SLC25A35: variants seen among roughly 807,000 people sequenced by gnomAD.
SLC25A35 encodes the protein solute carrier family 25 member 35.
Under a neutral mutation model 30.5 loss-of-function variants are expected in SLC25A35, and 32 were observed. The observed-to-expected ratio is 1.05, with a 90% CI of 0.79 to 1.41. SLC25A35 has a LOEUF of 1.41. Ranked by LOEUF, SLC25A35 falls within the 40% of genes most tolerant of loss-of-function variation. The pLI, the probability that SLC25A35 is intolerant of heterozygous loss-of-function variation, is 0.00. For missense variants in SLC25A35, 369 were observed against 388.0 expected (o/e 0.95, Z 0.41); for synonymous variants, 142 against 158.1 (o/e 0.90, Z 0.77).
chr17:8,292,518 C>T lies in SLC25A35; in HGVS notation c.441+5G>A. ...AGGGACTTTGGCAGACTTGGGAACC[C>T]TCACCTGATGCTTATACTGGTGCCC... On this transcript the variant is annotated splice_donor_5th_base_variant and intron_variant, in intron 2 of 4. Coordinates refer to ENST00000577745, the MANE Select transcript of SLC25A35 (RefSeq NM_001320870.2). 6.2e-7 allele frequency: 1 copy of T among 1,613,930 alleles called. No individual in the cohort carries two copies. The highest frequency in any genetic ancestry group is 1.3e-5 in the African/African-American group (1 of 75,008).
At position 8,291,295 on chromosome 17, in the gene SLC25A35, C is replaced by T. The variant is rs368667906; in HGVS notation, c.594+38G>A. The T allele has an allele frequency of 2.8e-4, 451 of 1,608,974 alleles. 5 individuals are homozygous for T. The highest frequency in any genetic ancestry group is 4.5e-4 in the East Asian group (20 of 44,848). The stretch of plus-strand genomic sequence containing the variant: ...AGTGCAGCTTGCCCTCCCCTTCCCC[C>T]CTTCCCGAAACAGACCCACCCATTT... On this transcript the variant is annotated intron_variant, in intron 3 of 4. Transcript: ENST00000577745.
At chr17:8,288,944 G>C, downstream of SLC25A35, 1 of 1,614,010 alleles carries the variant, frequency 6.2e-7, no homozygotes, top group South Asian at 1.1e-5. Flanking sequence ...GGTCTGCCTC[G>C]CCTCACTCCA....
Position 8,290,490 on chromosome 17 carries a change from C to T in SLC25A35, c.*15G>A. 1 of 1,534,898 alleles carries T rather than the reference C, an allele frequency of 6.5e-7. No individual in the cohort carries two copies. The highest frequency in any genetic ancestry group is 8.7e-7 in the Non-Finnish European group (1 of 1,146,210). On this transcript the variant is annotated 3_prime_UTR_variant, in exon 5 of 5. Coordinates refer to ENST00000577745, the MANE Select transcript of SLC25A35 (RefSeq NM_001320870.2). ...CCAAGGAGTGCTCATTTGGTGGAGA[C>T]TGGGAAAGCGGCTGTTATTTAGTGT...
chr17:8,294,704 G>A lies in SLC25A35; in HGVS notation c.104C>T (p.Ala35Val), dbSNP rs1343293432. The A allele has an allele frequency of 3.7e-6, 6 of 1,614,216 alleles. No homozygotes were observed. The highest frequency in any genetic ancestry group is 5.1e-6 in the Non-Finnish European group (6 of 1,180,046). The change falls in exon 1 of 5, where the codon GCC (alanine) becomes GTC (valine). Residue 35 changes from alanine (A) to valine (V), a missense_variant. Coordinates refer to ENST00000577745, the MANE Select transcript of SLC25A35 (RefSeq NM_001320870.2). ...GTAGTGCCGCTGGTATGTGCCAGGG[G>A]CCTGCAGTTCTCCTTGCAACTGCAT... ...TRMQLQGELQ[A>V]PGTYQRHYRN...
chr17:8,288,734 C>A, downstream of SLC25A35: 1 of 1,589,310 alleles, frequency 6.3e-7, no homozygotes, highest in Non-Finnish European at 8.6e-7. Context: ...TGCCACGTGA[C>A]CCAATGTGGA....
Position 8,290,247 on chromosome 17 carries a change from T to G in SLC25A35, c.*258A>C. The G allele has an allele frequency of 7.0e-7, 1 of 1,424,452 alleles. No individual in the cohort carries two copies. The highest frequency in any genetic ancestry group is 1.5e-5 in the South Asian group (1 of 64,664). 88.2% of individuals were successfully genotyped at this position (1,424,452 alleles called of 1,614,324 possible). A position where few individuals can be genotyped will look rare whatever the true frequency, so the allele number is the denominator to read the frequency against. ...CAGTGGTGAGTGGGAGGAAATACAC[T>G]TTGGGATGACTCGTTCAGCCCTGAG... On this transcript the variant is annotated 3_prime_UTR_variant, in exon 5 of 5. Coordinates refer to ENST00000577745, the MANE Select transcript of SLC25A35 (RefSeq NM_001320870.2).
chr17:8,290,548 A>G lies in SLC25A35; in HGVS notation c.860T>C (p.Phe287Ser), dbSNP rs1990405568. ...LGPHTILSLFFWDQLRSLYYT... is the reference protein window; with the variant it reads ...LGPHTILSLFSWDQLRSLYYT... ...GTAGAGGGAGCGCAGCTGGTCCCAG[A>G]AGAAGAGGGAGAGGATGGTGTGGGG... Residue 287 changes from phenylalanine to serine, a missense_variant, in exon 5 of 5, where the codon TTC becomes TCC. Physicochemically the swap from Phe to Ser is radical, Grantham distance 155 (BLOSUM62 -2). Transcript: ENST00000577745. 7.8e-6 allele frequency: 12 copies of G among 1,536,084 alleles called. No individual in the cohort carries two copies. In the Admixed American group the frequency reaches 2.2e-4, roughly 28 times the overall value.
intron 3 of SLC25A35, 142 bp from the exon 4 acceptor site, chr17:8,291,118 G>A (rs1990462303): frequency 3.8e-6 from 5 of 1,322,714 alleles, no homozygotes; most frequent in Non-Finnish European, 5.2e-6. Flanking sequence ...AAAACAGTGA[G>A]AAGGAGGAAG....
intron 1 of SLC25A35, among the ~76,000 whole-genome samples, chr17:8,294,188 T>C (rs1990706193): frequency 6.6e-6 from 1 of 152,180 alleles, no homozygotes; most frequent in South Asian, 2.1e-4. Context: ...GTGCTGGGAT[T>C]ACAGGTGTGA....
downstream of SLC25A35, chr17:8,288,971 C>T (rs748020058): frequency 1.2e-6 from 2 of 1,614,020 alleles, no homozygotes; most frequent in Admixed American, 3.3e-5. Context: ...TCCGACCGGT[C>T]CCGGACAATC....
Position 8,295,399 on chromosome 17 carries a change from C to T in SLC25A35, c.-592G>A. 1.0e-6 allele frequency: 1 copy of T among 982,310 alleles called. No homozygotes were observed. The highest frequency in any genetic ancestry group is 1.2e-6 in the Non-Finnish European group (1 of 827,028). The allele number at this position is 982,310 out of a possible 1,614,324, so 60.8% of individuals were successfully genotyped here. A position where few individuals can be genotyped will look rare whatever the true frequency, so the allele number is the denominator to read the frequency against. ...AGGCCGGGCCGCCACACTCCTGCCA[C>T]TGGAGCGCGGGGCCAATGGGGAGCC... On this transcript the variant is annotated 5_prime_UTR_variant, in exon 1 of 5. In the 5' UTR this introduces an upstream ATG that the reference lacks. Coordinates refer to ENST00000577745, the MANE Select transcript of SLC25A35 (RefSeq NM_001320870.2).
downstream of SLC25A35, chr17:8,288,721 C>T (rs11544392): frequency 1.3e-6 from 2 of 1,556,084 alleles, no homozygotes; most frequent in Non-Finnish European, 1.8e-6. Flanking sequence ...CCCAGGGAGC[C>T]GATGCCACGT....
In SLC25A35 at chr17:8,294,749, A is replaced by C; in HGVS notation, c.59T>G (p.Leu20Arg). The change falls in exon 1 of 5, where the codon CTG (leucine) becomes CGG (arginine). Residue 20 changes from leucine to arginine, a missense_variant. Leu to Arg is a moderately radical substitution (Grantham distance 102). Coordinates refer to ENST00000577745, the MANE Select transcript of SLC25A35 (RefSeq NM_001320870.2). ...ACGACVFTNPLEVVKTRMQLQ... is the reference protein window; with the variant it reads ...ACGACVFTNPREVVKTRMQLQ... ...CTGCATCCTGGTCTTCACCACCTCC[A>C]GGGGATTGGTGAATACACAGGCCCC... 1 of 1,613,646 alleles carries C rather than the reference A, an allele frequency of 6.2e-7. No individual in the cohort carries two copies. Among genetic ancestry groups the C allele is most frequent in the Non-Finnish European group, 8.5e-7 (1 of 1,179,734 alleles).
intron 1 of SLC25A35, among the ~76,000 whole-genome samples, chr17:8,293,417 C>A (rs980232263): frequency 6.6e-6 from 1 of 152,198 alleles, no homozygotes; most frequent in East Asian, 1.9e-4. Context: ...TGCCAGGATT[C>A]GCACTAATGC....
Position 8,290,903 on chromosome 17 carries a change from A to T in SLC25A35, c.668T>A (p.Met223Lys), listed in dbSNP as rs770539100. The change falls in exon 4 of 5, where the codon ATG becomes AAG. Residue 223 changes from methionine to lysine, a missense_variant. Physicochemically the swap from Met to Lys is moderately conservative, Grantham distance 95 (BLOSUM62 -1). Coordinates refer to ENST00000577745, the MANE Select transcript of SLC25A35 (RefSeq NM_001320870.2). Reference protein sequence around the residue: ...MMSGIAVVLAMAPFDVACTRL... With the variant: ...MMSGIAVVLAKAPFDVACTRL... ...TGTGCAGGCCACATCAAAGGGTGCC[A>T]TGGCCAAGACAACTGCAATGCCACT... is the stretch of plus-strand genomic sequence containing the variant. 6.2e-7 allele frequency: 1 copy of T among 1,614,130 alleles called. No homozygotes were observed. Among genetic ancestry groups the T allele is most frequent in the South Asian group, 1.1e-5 (1 of 91,084 alleles).
intron 1 of SLC25A35, among the ~76,000 whole-genome samples, chr17:8,294,207 A>G (rs1449606876): frequency 3.9e-5 from 6 of 151,950 alleles, no homozygotes; most frequent in South Asian, 2.1e-4. Flanking sequence ...GAACCACTGC[A>G]CCCGGCCCCA....
In SLC25A35 at chr17:8,292,602, AAT is replaced by A; in HGVS notation, c.376-16_376-15del. The A allele has an allele frequency of 6.2e-7, 1 of 1,613,842 alleles. No homozygotes were observed. Among genetic ancestry groups the A allele is most frequent in the Non-Finnish European group, 8.5e-7 (1 of 1,179,826 alleles). On this transcript the variant is annotated splice_polypyrimidine_tract_variant and intron_variant, in intron 1 of 4. Transcript: ENST00000577745. ...GTGTGTCTTCACCTGGGAACAAGAG[AAT>A]ATCATAGCCTGTGCCCCAGTGGCCA...
chr17:8,290,288 A>G lies in SLC25A35; in HGVS notation c.*217T>C, dbSNP rs912651758. 12 of 1,427,036 alleles carry G rather than the reference A, an allele frequency of 8.4e-6. No homozygotes were observed. The highest frequency in any genetic ancestry group is 7.6e-5 in the East Asian group (3 of 39,630). 88.4% of individuals were successfully genotyped at this position (1,427,036 alleles called of 1,614,324 possible). On this transcript the variant is annotated 3_prime_UTR_variant, in exon 5 of 5. Transcript: ENST00000577745. The stretch of plus-strand genomic sequence containing the variant: ...CAGCCCTGAGAGAGGGGTGTGAGTT[A>G]CCCAGGGAATGGGTAGGGAAGGTTT...
chr17:8,291,502 C>CGGGGGTGG lies in SLC25A35; in HGVS notation c.442-25_442-18dup. Reference sequence around the variant, plus strand: ...AAACATGCCCTAGTGTGGGGAAGACCGGGGGTGGGGTTCAGACAGCCCAGC... The same window carrying CGGGGGTGG: ...AAACATGCCCTAGTGTGGGGAAGACCGGGGGTGGGGGGGTGGGGTTCAGACAGCCCAGC... On this transcript the variant is annotated splice_polypyrimidine_tract_variant and intron_variant, in intron 2 of 4. Coordinates refer to ENST00000577745, the MANE Select transcript of SLC25A35 (RefSeq NM_001320870.2). 6.3e-7 allele frequency: 1 copy of CGGGGGTGG among 1,599,640 alleles called. No homozygotes were observed. The highest frequency in any genetic ancestry group is 1.1e-5 in the South Asian group (1 of 89,342).
Sources: allele counts gnomAD v4.1 joint callset (sites outside exome capture counted in the v4.1 genomes callset), GRCh38; gene constraint gnomAD v4.1.1; transcripts MANE v1.5; gene names NCBI Gene and HGNC (gene_info 2026-07-23, HGNC 2026-07-21).